VAV2: variants seen among roughly 807,000 people sequenced by gnomAD.
The protein encoded by VAV2 is guanine nucleotide exchange factor VAV2.
A neutral mutation model predicts 132.5 loss-of-function variants in VAV2; 67 were observed. The observed-to-expected ratio is 0.51, with a 90% CI of 0.42 to 0.62. VAV2 has a LOEUF of 0.62. Among genes scored for constraint, VAV2 ranks in the 20% least tolerant of loss-of-function variants. The pLI is 0.00. For synonymous variants in VAV2, 492 were observed against 443.5 expected (o/e 1.11, Z -1.37); for missense variants, 938 against 1,153.6 (o/e 0.81, Z 2.71).
chr9:133,885,773 C>T lies in VAV2; in HGVS notation c.322-24341G>A, dbSNP rs778726339. 1.2e-4 allele frequency among the ~76,000 whole-genome samples: 18 copies of T among 152,322 alleles called. No homozygotes were observed. The highest frequency in any genetic ancestry group is 4.6e-4 in the Admixed American group (7 of 15,306). On this transcript the variant is annotated intron_variant, in intron 2 of 29. Coordinates refer to ENST00000371850, the MANE Select transcript of VAV2 (RefSeq NM_001134398.2). This position sits in a 1 kb window ranked among gnomAD's most constrained non-coding sequence, Gnocchi z 5.0. ...CATGCCATCTCCCTGACCTCGCAAA[C>T]CCACCACGGTGCCGGCACAAACCCT...
intron 4 of VAV2, among the ~76,000 whole-genome samples, chr9:133,814,302 C>T (rs901506105): frequency 5.9e-5 from 9 of 152,376 alleles, no homozygotes; most frequent in Admixed American, 5.2e-4. Flanking sequence ...AAGGACACAG[C>T]CCCCACCTCT....
At chr9:133,892,194 A>C in intron 2 of VAV2, among the ~76,000 whole-genome samples, 1 of 92,296 alleles carries the variant, frequency 1.1e-5, no homozygotes, top group South Asian at 4.6e-4. Context: ...AGAGGGGGAT[A>C]AAGGGGAGAT....
chr9:133,862,503 G>C (rs1414282537), intron 2 of VAV2, among the ~76,000 whole-genome samples: 1 of 152,246 alleles, frequency 6.6e-6, no homozygotes, highest in Non-Finnish European at 1.5e-5. Context: ...CAGCTCGCGT[G>C]TGTGGTCGTG....
chr9:133,816,447 T>C (rs1438151232), intron 4 of VAV2, among the ~76,000 whole-genome samples: 1 of 152,280 alleles, frequency 6.6e-6, no homozygotes, highest in Non-Finnish European at 1.5e-5. Flanking sequence ...CGGAACTTCA[T>C]AGTTTTAGCC....
chr9:133,910,182 C>T (rs1839827805), intron 2 of VAV2, among the ~76,000 whole-genome samples: 1 of 152,136 alleles, frequency 6.6e-6, no homozygotes, highest in African/African-American at 2.4e-5. Context: ...TGAACCATGA[C>T]CATGAGGATG....
At chr9:133,899,407 T>C (rs979384268) in intron 2 of VAV2, among the ~76,000 whole-genome samples, 3 of 151,404 alleles carry the variant, frequency 2.0e-5, no homozygotes, top group African/African-American at 7.3e-5. Flanking sequence ...AAATTTAATA[T>C]ATTTTATTTA....
chr9:133,780,675 A>T lies in VAV2; in HGVS notation c.1740+19T>A. On this transcript the variant is annotated intron_variant, in intron 20 of 29. Coordinates refer to ENST00000371850, the MANE Select transcript of VAV2 (RefSeq NM_001134398.2). ...GGCGGGGGTGGGGCAGAGGGAGGGGAAACACTCTGGGGACTTACCAGATCT... is the reference window on the plus strand; with the variant it reads ...GGCGGGGGTGGGGCAGAGGGAGGGGTAACACTCTGGGGACTTACCAGATCT... 1 of 1,285,952 alleles carries T rather than the reference A, an allele frequency of 7.8e-7. No individual in the cohort carries two copies. The highest frequency in any genetic ancestry group is 9.9e-7 in the Non-Finnish European group (1 of 1,010,004). The allele number at this position is 1,285,952 out of a possible 1,614,324, so 79.7% of individuals were successfully genotyped here. A position where few individuals can be genotyped will look rare whatever the true frequency, so the allele number is the denominator to read the frequency against.
intron 5 of VAV2, among the ~76,000 whole-genome samples, chr9:133,811,373 A>C (rs929474469): frequency 2.0e-5 from 3 of 152,236 alleles, no homozygotes; most frequent in African/African-American, 4.8e-5. Context: ...GAAAACACTG[A>C]AATCAGCTTT....
chr9:133,812,037 G>T, intron 5 of VAV2, 77 bp downstream of exon 5: 1 of 1,456,470 alleles, frequency 6.9e-7, no homozygotes, highest in South Asian at 1.2e-5. Flanking sequence ...GGACAGCTCG[G>T]TATTGTGTTA....
chr9:133,890,280 A>T (rs1838879395), intron 2 of VAV2, among the ~76,000 whole-genome samples: 4 of 152,204 alleles, frequency 2.6e-5, no homozygotes, highest in Admixed American at 2.6e-4. Flanking sequence ...CACCGCGACC[A>T]CACGGAGCCT....
At chr9:133,814,907 A>T (rs2131712300) in intron 4 of VAV2, among the ~76,000 whole-genome samples, 1 of 151,772 alleles carries the variant, frequency 6.6e-6, no homozygotes, top group South Asian at 2.1e-4. Context: ...CACATCCTTC[A>T]CTCGTGCCTC....
chr9:133,943,627 C>CT (rs1259757073), intron 1 of VAV2, among the ~76,000 whole-genome samples: 1 of 152,172 alleles, frequency 6.6e-6, no homozygotes, highest in Non-Finnish European at 1.5e-5. Flanking sequence ...GCTGAGTGCC[C>CT]TCTCCCCCAG....
Position 133,834,310 on chromosome 9 carries a change from A to G in VAV2, c.411T>C (p.Asn137=), listed in dbSNP as rs368214529. ...RPFPSEETTE[N]DDDVYRSLEE... ...CCAGGCTGCGGTAGACGTCATCGTCATTCTCTGTGGTCTCCTCTGAGGGAA... is the reference window on the plus strand; with the variant it reads ...CCAGGCTGCGGTAGACGTCATCGTCGTTCTCTGTGGTCTCCTCTGAGGGAA... Residue 137 remains asparagine (N), a synonymous_variant, in exon 4 of 30, where the codon AAT becomes AAC. Coordinates refer to ENST00000371850, the MANE Select transcript of VAV2 (RefSeq NM_001134398.2). The surrounding 1 kb of genome is among the most constrained non-coding windows in gnomAD (Gnocchi z 5.9). The G allele has an allele frequency of 1.6e-5, 25 of 1,612,310 alleles. No individual in the cohort carries two copies. Among genetic ancestry groups the G allele is most frequent in the Non-Finnish European group, 2.0e-5 (23 of 1,179,382 alleles).
intron 2 of VAV2, among the ~76,000 whole-genome samples, chr9:133,869,496 G>T (rs1260361969): frequency 6.6e-6 from 1 of 152,112 alleles, no homozygotes; most frequent in Non-Finnish European, 1.5e-5. Context: ...TGTGGTCCTG[G>T]CTACTCGGGA....
chr9:133,905,623 T>C (rs888089067), intron 2 of VAV2, among the ~76,000 whole-genome samples: 2 of 151,838 alleles, frequency 1.3e-5, no homozygotes, highest in Non-Finnish European at 2.9e-5. Flanking sequence ...AGCACAGAAA[T>C]GACCTGGAAG....
intron 1 of VAV2, among the ~76,000 whole-genome samples, chr9:133,978,367 C>A (rs373793116): frequency 2.0e-5 from 3 of 152,194 alleles, no homozygotes; most frequent in East Asian, 3.8e-4. Context: ...CAGGCAGGCA[C>A]CCCCTCCCCA....
chr9:133,842,752 T>C (rs535920532), intron 3 of VAV2, among the ~76,000 whole-genome samples: 511 of 152,080 alleles, frequency 3.4e-3, no homozygotes, highest in African/African-American at 0.011. Context: ...GCGGAGGCCA[T>C]AGTGAGGAGA....
At chr9:133,971,336 C>A (rs980453686) in intron 1 of VAV2, among the ~76,000 whole-genome samples, 1 of 152,194 alleles carries the variant, frequency 6.6e-6, no homozygotes, top group African/African-American at 2.4e-5. Context: ...GGGGCAGCCG[C>A]AAGCAGGCAC....
At chr9:133,810,248 G>C (rs763195816) in intron 5 of VAV2, 43 bp from the exon 6 acceptor site, 2 of 1,612,380 alleles carry the variant, frequency 1.2e-6, no homozygotes, top group Non-Finnish European at 1.7e-6. Context: ...CCGGTTAGCA[G>C]GGCCCACACT....
Sources: allele counts gnomAD v4.1 joint callset (sites outside exome capture counted in the v4.1 genomes callset), GRCh38; gene constraint gnomAD v4.1.1; non-coding constraint Gnocchi (gnomAD v3.1); transcripts MANE v1.5; gene names NCBI Gene and HGNC (gene_info 2026-07-23, HGNC 2026-07-21).